Variants in SYNPO2 observed in about 807,000 individuals in gnomAD.
SYNPO2 encodes the protein synaptopodin-2.
A neutral mutation model predicts 85.0 loss-of-function variants in SYNPO2; 56 were observed. That is an observed-to-expected ratio of 0.66 (90% CI 0.53 to 0.82). SYNPO2 has a LOEUF of 0.82. Ranked by LOEUF, SYNPO2 falls within the 40% of genes least tolerant of loss-of-function variation. The pLI is 0.00. For missense variants in SYNPO2, 1,575 were observed against 1,534.2 expected, an observed-to-expected ratio of 1.03 and a Z score of -0.44; for synonymous variants, 602 against 591.1, an observed-to-expected ratio of 1.02 and a Z score of -0.27.
chr4:118,966,702 T>C (rs971308982), intron 1 of SYNPO2, among the ~76,000 whole-genome samples: 6 of 152,210 alleles, frequency 3.9e-5, no homozygotes, highest in Admixed American at 3.9e-4. Context: ...GCTACTGTTT[T>C]ACAGGGCTTG....
At chr4:119,004,949 G>A (rs1249568094) in intron 1 of SYNPO2, among the ~76,000 whole-genome samples, 1 of 151,820 alleles carries the variant, frequency 6.6e-6, no homozygotes, top group African/African-American at 2.4e-5. Flanking sequence ...TCTCATTGTG[G>A]TTTTGATTTG....
chr4:118,966,766 C>A (rs1428614789), intron 1 of SYNPO2, among the ~76,000 whole-genome samples: 1 of 152,056 alleles, frequency 6.6e-6, no homozygotes, highest in Non-Finnish European at 1.5e-5. Flanking sequence ...ATTACCTGAA[C>A]AAATGGTGGC....
intron 1 of SYNPO2, among the ~76,000 whole-genome samples, chr4:118,938,224 C>A (rs1578567256): frequency 6.6e-6 from 1 of 152,096 alleles, no homozygotes; most frequent in East Asian, 1.9e-4. Context: ...GAGGCTGAGG[C>A]ACAAGAATTG....
intron 1 of SYNPO2, among the ~76,000 whole-genome samples, chr4:118,895,310 C>G (rs983359015): frequency 6.6e-6 from 1 of 152,090 alleles, no homozygotes; most frequent in South Asian, 2.1e-4. Context: ...TCCCTCTAGC[C>G]CCTCCATGGT....
chr4:119,022,003 A>G (rs968867086), intron 1 of SYNPO2, among the ~76,000 whole-genome samples: 1 of 152,036 alleles, frequency 6.6e-6, no homozygotes, highest in African/African-American at 2.4e-5. Flanking sequence ...GGCTGCTTTT[A>G]CTTTCTGCAA....
At position 119,027,245 on chromosome 4, in the gene SYNPO2, C is replaced by T; in HGVS notation, c.876C>T (p.Asp292=). 1 of 1,614,126 alleles carries T rather than the reference C, an allele frequency of 6.2e-7. No individual in the cohort carries two copies. Among genetic ancestry groups the T allele is most frequent in the African/African-American group, 1.3e-5 (1 of 75,028 alleles). ...PRVEVILDCS[D]RQKTEGCRLQ... is the part of the protein sequence containing the mutation. Reference sequence around the variant, plus strand: ...TGGAAGTGATCCTCGACTGCTCTGACAGGCAGAAGACAGAAGGGTGCAGGC... The same window carrying T: ...TGGAAGTGATCCTCGACTGCTCTGATAGGCAGAAGACAGAAGGGTGCAGGC... The change falls in exon 3 of 5, where the codon GAC becomes GAT. Residue 292 remains aspartate, a synonymous_variant. Coordinates refer to ENST00000307142, the MANE Select transcript of SYNPO2 (RefSeq NM_133477.3).
In SYNPO2 at chr4:118,938,467, G is replaced by C. The variant is rs1252924996; in HGVS notation, c.105+49326G>C. ...CCATGGATGCAGAAACTGTAAATAT[G>C]GAAGGCCAACTGTATATTATTATTG... On this transcript the variant is annotated intron_variant, in intron 1 of 4. Transcript: ENST00000307142. Among the ~76,000 whole-genome samples the C allele has an allele frequency of 4.6e-5, 7 of 152,106 alleles. No homozygotes were observed. The East Asian group carries it at 1.4e-3, about 29-fold the overall frequency.
At chr4:118,986,772 G>A (rs937015191) in intron 1 of SYNPO2, among the ~76,000 whole-genome samples, 4 of 152,148 alleles carry the variant, frequency 2.6e-5, no homozygotes, top group African/African-American at 9.7e-5. Flanking sequence ...ATTTCAGGAT[G>A]CATGATGTAC....
intron 1 of SYNPO2, among the ~76,000 whole-genome samples, chr4:118,879,664 C>CA (rs1257697612): frequency 6.6e-6 from 1 of 152,176 alleles, no homozygotes; most frequent in Non-Finnish European, 1.5e-5. Flanking sequence ...TGTGTTATGG[C>CA]AGTCCAAAGA....
chr4:119,036,104 C>G (rs1027603687), intron 4 of SYNPO2: 10 of 985,256 alleles, frequency 1.0e-5, no homozygotes, highest in African/African-American at 1.7e-5. Flanking sequence ...CACCCCCATT[C>G]TAAGGGTGAA....
intron 1 of SYNPO2, among the ~76,000 whole-genome samples, chr4:118,898,367 T>G (rs1413153197): frequency 6.6e-6 from 1 of 152,158 alleles, no homozygotes; most frequent in Non-Finnish European, 1.5e-5. Flanking sequence ...CTGTAACTGG[T>G]CTCCTTGTTT....
At chr4:118,945,263 G>A (rs1462053970) in intron 1 of SYNPO2, among the ~76,000 whole-genome samples, 2 of 152,020 alleles carry the variant, frequency 1.3e-5, no homozygotes, top group East Asian at 3.9e-4. Flanking sequence ...AATGTACAAA[G>A]AACACAAAGA....
intron 1 of SYNPO2, among the ~76,000 whole-genome samples, chr4:118,910,492 G>A (rs1733099943): frequency 6.6e-6 from 1 of 151,454 alleles, no homozygotes; most frequent in Non-Finnish European, 1.5e-5. Context: ...GTTTAATTAT[G>A]TGTGTGTGTG....
intron 1 of SYNPO2, among the ~76,000 whole-genome samples, chr4:118,863,983 T>C (rs1266323571): frequency 6.6e-6 from 1 of 152,210 alleles, no homozygotes; most frequent in Non-Finnish European, 1.5e-5. Flanking sequence ...TTATTTCTTT[T>C]CTTCGACTAA....
At chr4:119,057,376 A>G (rs1474320049) in intron 4 of SYNPO2, 25 bp from the exon 5 acceptor site, 1 of 1,541,752 alleles carries the variant, frequency 6.5e-7, no homozygotes, top group Admixed American at 2.1e-5. Context: ...TGAATGAGAT[A>G]TATTAATATT....
At chr4:119,016,279 G>C (rs975377906) in intron 1 of SYNPO2, among the ~76,000 whole-genome samples, 9 of 152,088 alleles carry the variant, frequency 5.9e-5, no homozygotes, top group African/African-American at 2.2e-4. Context: ...AAAATTAGCT[G>C]TGCGTGGTGG....
intron 1 of SYNPO2, among the ~76,000 whole-genome samples, chr4:118,974,987 C>T (rs1735669614): frequency 6.6e-6 from 1 of 152,210 alleles, no homozygotes. Flanking sequence ...ATAATAATTT[C>T]TCATCACTAC....
intron 1 of SYNPO2, among the ~76,000 whole-genome samples, chr4:118,978,423 CAA>C (rs1351789031): frequency 6.6e-6 from 1 of 152,102 alleles, no homozygotes; most frequent in Non-Finnish European, 1.5e-5. Context: ...CAGTAAAACA[CAA>C]AAGAGTTGGG....
chr4:118,865,237 C>T (rs1332756610), intron 1 of SYNPO2, among the ~76,000 whole-genome samples: 1 of 152,154 alleles, frequency 6.6e-6, no homozygotes, highest in Non-Finnish European at 1.5e-5. Flanking sequence ...GAACTCACTG[C>T]GGTAGGAACT....
Sources: allele counts gnomAD v4.1 joint callset (sites outside exome capture counted in the v4.1 genomes callset), GRCh38; gene constraint gnomAD v4.1.1; transcripts MANE v1.5; gene names NCBI Gene and HGNC (gene_info 2026-07-23, HGNC 2026-07-21).